Variants in ULK4 observed in about 807,000 individuals in gnomAD.
ULK4 encodes the protein unc-51 like kinase 4, also known as inactive serine/threonine-protein kinase ULK4.
In ULK4, 133 loss-of-function variants were observed where a neutral mutation model predicts 160.6. The observed-to-expected ratio is 0.83, with a 90% confidence interval of 0.72 to 0.96. The LOEUF (loss-of-function observed/expected upper bound fraction) is 0.96. Among genes scored for constraint, ULK4 ranks in the 40% least tolerant of loss-of-function variants. The probability of loss-of-function intolerance (pLI) is 0.00; values close to 1 mark genes in which losing one functional copy is unlikely to be tolerated. For synonymous variants in ULK4, 534 were observed against 539.8 expected, an observed-to-expected ratio of 0.99 and a Z score of 0.15; for missense variants, 1,580 against 1,499.5, an observed-to-expected ratio of 1.05 and a Z score of -0.89.
Position 41,365,859 on chromosome 3 carries a change from A to G in ULK4, c.3678+32220T>C, listed in dbSNP as rs369684010. Among the ~76,000 whole-genome samples, 46 of 152,308 alleles carry G rather than the reference A, an allele frequency of 3.0e-4. 1 individual carries two copies. In the South Asian group the frequency reaches 9.5e-3, roughly 32 times the overall value. ...CATATCAAATAAACTACAGACTTAA[A>G]AAAAAAAGTTAAGATGACTGATTTT... On this transcript the variant is annotated intron_variant, in intron 35 of 36. Transcript: ENST00000301831.
intron 2 of ULK4, among the ~76,000 whole-genome samples, chr3:41,950,026 ACACCTGG>A (rs1053506014): frequency 7.3e-5 from 11 of 151,636 alleles, no homozygotes; most frequent in Non-Finnish European, 2.9e-5. Context: ...ATGAGCCACC[ACACCTGG>A]CACGGTCTGA....
intron 35 of ULK4, among the ~76,000 whole-genome samples, chr3:41,292,412 C>T (rs538473184): frequency 6.6e-6 from 1 of 152,090 alleles, no homozygotes. Flanking sequence ...GTGCCCTCTA[C>T]TGAGGGTGGA....
chr3:41,700,624 T>G (rs150887863), intron 27 of ULK4, among the ~76,000 whole-genome samples: 8 of 152,254 alleles, frequency 5.3e-5, no homozygotes, highest in African/African-American at 1.7e-4. Context: ...ACATCCATAG[T>G]TGATTTCAGG....
chr3:41,467,427 T>TC (rs2125883160), intron 32 of ULK4, among the ~76,000 whole-genome samples: 1 of 152,216 alleles, frequency 6.6e-6, no homozygotes, highest in Admixed American at 6.6e-5. Flanking sequence ...CTCAGGAGGC[T>TC]GAGGCAGGAG....
intron 32 of ULK4, among the ~76,000 whole-genome samples, chr3:41,528,209 G>A (rs1381238706): frequency 6.6e-6 from 1 of 152,174 alleles, no homozygotes; most frequent in East Asian, 1.9e-4. Context: ...TCACCTCTAG[G>A]TAGACTCACC....
At chr3:41,586,125 G>A (rs2030780381) in intron 31 of ULK4, among the ~76,000 whole-genome samples, 1 of 152,150 alleles carries the variant, frequency 6.6e-6, no homozygotes, top group African/African-American at 2.4e-5. Context: ...GTTTTCATTT[G>A]ATCTAGCAAT....
intron 19 of ULK4, among the ~76,000 whole-genome samples, chr3:41,807,399 T>C (rs1050975880): frequency 2.0e-5 from 3 of 152,208 alleles, no homozygotes; most frequent in Non-Finnish European, 4.4e-5. Context: ...ATGCATTTAC[T>C]GTTTTTTCAA....
chr3:41,720,695 T>C (rs1383618492), intron 22 of ULK4, among the ~76,000 whole-genome samples: 1 of 152,012 alleles, frequency 6.6e-6, no homozygotes, highest in African/African-American at 2.4e-5. Context: ...TACAATGACA[T>C]CTATTTTTAC....
intron 22 of ULK4, among the ~76,000 whole-genome samples, chr3:41,747,918 T>C (rs1284651582): frequency 6.6e-6 from 1 of 152,146 alleles, no homozygotes; most frequent in African/African-American, 2.4e-5. Context: ...TCATACTCTG[T>C]TATGACAGCC....
intron 30 of ULK4, among the ~76,000 whole-genome samples, chr3:41,626,506 T>C (rs1409620661): frequency 6.6e-6 from 1 of 152,008 alleles, no homozygotes; most frequent in Non-Finnish European, 1.5e-5. Context: ...GAGTCAATAC[T>C]TTTCATGTAA....
At chr3:41,436,040 G>C (rs533149873) in intron 34 of ULK4, among the ~76,000 whole-genome samples, 1 of 152,284 alleles carries the variant, frequency 6.6e-6, no homozygotes, top group East Asian at 1.9e-4. Context: ...TTGACTTTAT[G>C]ATGGTGGGAA....
chr3:41,471,661 T>C (rs1459700559), intron 32 of ULK4, among the ~76,000 whole-genome samples: 2 of 152,196 alleles, frequency 1.3e-5, no homozygotes, highest in East Asian at 3.8e-4. Flanking sequence ...CAAGTACCTT[T>C]ACCAAATAGG....
intron 27 of ULK4, among the ~76,000 whole-genome samples, chr3:41,696,897 C>T (rs1045168284): frequency 6.6e-6 from 1 of 152,086 alleles, no homozygotes; most frequent in Non-Finnish European, 1.5e-5. Flanking sequence ...GCTCTGCTGG[C>T]TTTGAAGATG....
At chr3:41,490,176 C>T (rs17057931) in intron 32 of ULK4, among the ~76,000 whole-genome samples, 11,026 of 152,194 alleles carry the variant, frequency 0.072, 554 homozygotes, top group Admixed American at 0.13. Context: ...AGCTTTCTAA[C>T]AGTTCTCTCT....
chr3:41,258,655 A>G (rs1019577652), intron 35 of ULK4, among the ~76,000 whole-genome samples: 1 of 152,126 alleles, frequency 6.6e-6, no homozygotes, highest in African/African-American at 2.4e-5. Flanking sequence ...GCAGGCATCC[A>G]TTTCCTGCAA....
intron 4 of ULK4, among the ~76,000 whole-genome samples, chr3:41,932,807 G>A (rs147890572): frequency 6.6e-6 from 1 of 152,172 alleles, no homozygotes; most frequent in African/African-American, 2.4e-5. Context: ...ACTTTGGAAG[G>A]CTGAGGCAGG....
chr3:41,514,950 A>G (rs777241397), intron 32 of ULK4, among the ~76,000 whole-genome samples: 4 of 152,188 alleles, frequency 2.6e-5, no homozygotes, highest in Non-Finnish European at 5.9e-5. Flanking sequence ...CTTTTCTATG[A>G]GTCACTAAAG....
chr3:41,535,765 G>A (rs2086475943), intron 32 of ULK4, among the ~76,000 whole-genome samples: 1 of 152,166 alleles, frequency 6.6e-6, no homozygotes, highest in Non-Finnish European at 1.5e-5. Flanking sequence ...ATACCTGGGT[G>A]CTCATTTCTA....
chr3:41,690,876 A>G (rs1203633044), intron 27 of ULK4, among the ~76,000 whole-genome samples: 4 of 151,816 alleles, frequency 2.6e-5, no homozygotes, highest in Non-Finnish European at 5.9e-5. Context: ...CCAAGCTCAT[A>G]ATGTTATAGC....
Sources: gnomAD v4.1 joint callset for allele counts (sites outside exome capture counted in the v4.1 genomes callset) on GRCh38, gnomAD v4.1.1 for gene constraint, MANE v1.5 for transcripts, NCBI Gene and HGNC (gene_info 2026-07-23, HGNC 2026-07-21) for gene names.